The following NRXN3 variants were observed in gnomAD, a reference collection of about 807,000 sequenced individuals.
NRXN3 encodes neurexin III.
A neutral mutation model predicts 137.6 loss-of-function variants in NRXN3; 32 were observed. That is an observed-to-expected ratio of 0.23 (90% CI 0.18 to 0.31). The LOEUF is 0.31. NRXN3 is among the 10% of genes least tolerant of loss of function. The pLI is 1.00. For missense variants in NRXN3, 1,574 were observed against 2,062.5 expected (o/e 0.76, Z 4.59); for synonymous variants, 798 against 784.5 (o/e 1.02, Z -0.29).
chr14:79,009,450 AG>A (rs1382141721), intron 15 of NRXN3, among the ~76,000 whole-genome samples: 1 of 152,186 alleles, frequency 6.6e-6, no homozygotes, highest in Non-Finnish European at 1.5e-5. Context: ...GCTAAACCAC[AG>A]GAACTCCTTA....
At chr14:78,549,220 T>A (rs1365513653) in intron 4 of NRXN3, among the ~76,000 whole-genome samples, 3 of 152,212 alleles carry the variant, frequency 2.0e-5, no homozygotes, top group Non-Finnish European at 4.4e-5. Flanking sequence ...TGTCCTTCAC[T>A]GTTTCAAGTT....
At chr14:79,774,907 G>T (rs940470732) in intron 19 of NRXN3, among the ~76,000 whole-genome samples, 2 of 152,022 alleles carry the variant, frequency 1.3e-5, no homozygotes, top group African/African-American at 4.8e-5. Flanking sequence ...TATTGAAAGG[G>T]ACAGGAAGTG....
intron 15 of NRXN3, among the ~76,000 whole-genome samples, chr14:79,077,642 A>T (rs1176650555): frequency 6.6e-6 from 1 of 152,170 alleles, no homozygotes; most frequent in East Asian, 1.9e-4. Context: ...TTAAACTATA[A>T]CTGGAATGAA....
intron 4 of NRXN3, among the ~76,000 whole-genome samples, chr14:78,313,418 G>A (rs2078203785): frequency 6.6e-6 from 1 of 151,984 alleles, no homozygotes; most frequent in Non-Finnish European, 1.5e-5. Context: ...CTTAGAAATG[G>A]TTTATCTTGT....
intron 15 of NRXN3, among the ~76,000 whole-genome samples, chr14:78,998,517 G>A (rs137879008): frequency 3.3e-5 from 5 of 152,158 alleles, no homozygotes; most frequent in South Asian, 2.1e-4. Context: ...AAGAAGCTGC[G>A]CAAAGCTAGT....
At chr14:79,375,529 C>T (rs111936993) in intron 15 of NRXN3, among the ~76,000 whole-genome samples, 2 of 152,066 alleles carry the variant, frequency 1.3e-5, no homozygotes, top group South Asian at 2.1e-4. Flanking sequence ...TGTCTCTTTC[C>T]GCAGCGGGAC....
intron 10 of NRXN3, among the ~76,000 whole-genome samples, chr14:78,875,943 A>G (rs894300616): frequency 2.6e-5 from 4 of 152,200 alleles, no homozygotes; most frequent in African/African-American, 9.6e-5. Context: ...GAGGATGAGG[A>G]AATTTAGGCA....
intron 8 of NRXN3, among the ~76,000 whole-genome samples, chr14:78,747,236 T>G (rs2098613463): frequency 1.3e-5 from 2 of 152,228 alleles, no homozygotes; most frequent in African/African-American, 4.8e-5. Flanking sequence ...TATGCGGATG[T>G]AGGTCAATTT....
In NRXN3 at chr14:79,701,460, G is replaced by T. The variant is rs564497590; in HGVS notation, c.4014+3523G>T. On this transcript the variant is annotated intron_variant, in intron 19 of 20. Transcript: ENST00000335750. ...GTCTGGCTTTATTTACATACCTTGT[G>T]CTTTGCTGGGTTAACTGGGAAGATG... 4.5e-4 allele frequency among the ~76,000 whole-genome samples: 68 copies of T among 152,148 alleles called. 2 individuals carry two copies. The South Asian group carries it at 0.012, about 26-fold the overall frequency.
At chr14:79,456,695 C>A (rs2153596986) in intron 15 of NRXN3, among the ~76,000 whole-genome samples, 1 of 151,912 alleles carries the variant, frequency 6.6e-6, no homozygotes, top group Middle Eastern at 3.4e-3. Context: ...CACTACACTC[C>A]AGCCTGGGTG....
At chr14:79,704,480 G>T (rs936940895) in intron 19 of NRXN3, among the ~76,000 whole-genome samples, 1 of 151,628 alleles carries the variant, frequency 6.6e-6, no homozygotes, top group Non-Finnish European at 1.5e-5. Context: ...CAGCTTGAGA[G>T]AAATGAGATA....
chr14:79,012,866 G>A (rs76948620), intron 15 of NRXN3, among the ~76,000 whole-genome samples: 1,766 of 152,168 alleles, frequency 0.012, 24 homozygotes, highest in African/African-American at 0.04. Flanking sequence ...CCATCAAACC[G>A]TGGACAGAGA....
chr14:78,882,166 T>A (rs963098902), intron 10 of NRXN3, among the ~76,000 whole-genome samples: 5 of 151,804 alleles, frequency 3.3e-5, no homozygotes, highest in Admixed American at 6.5e-5. Context: ...CACCTGGATG[T>A]CCAGGCAGAA....
chr14:79,015,405 G>A (rs576414644), intron 15 of NRXN3, among the ~76,000 whole-genome samples: 1 of 152,284 alleles, frequency 6.6e-6, no homozygotes, highest in East Asian at 1.9e-4. Context: ...CAGTGTGTAA[G>A]GCTCCTCTGA....
chr14:79,366,996 T>G lies in NRXN3; in HGVS notation c.3263-100225T>G, dbSNP rs1044491506. Among the ~76,000 whole-genome samples, 3 of 149,258 alleles carry G rather than the reference T, an allele frequency of 2.0e-5. No homozygotes were observed. The Admixed American group carries it at 2.0e-4, about 10-fold the overall frequency. On this transcript the variant is annotated intron_variant, in intron 15 of 20. Transcript: ENST00000335750. Reference sequence around the variant, plus strand: ...TCCCTTAGTCTTTTTTTTTTTTTTTTTTTTGGAGATGGAGTCTTGCTCTGT... The same window carrying G: ...TCCCTTAGTCTTTTTTTTTTTTTTTGTTTTGGAGATGGAGTCTTGCTCTGT...
chr14:79,247,074 C>T (rs925448715), intron 15 of NRXN3: 2 of 152,130 alleles, frequency 1.3e-5, no homozygotes, highest in African/African-American at 2.4e-5. Context: ...CCTGCTTGAC[C>T]TCTGGGGTCG....
chr14:78,767,897 C>G (rs954840379), intron 8 of NRXN3, among the ~76,000 whole-genome samples: 4 of 152,054 alleles, frequency 2.6e-5, no homozygotes, highest in African/African-American at 4.8e-5. Context: ...AGCCTTGTCC[C>G]TGGGTCCCTT....
At chr14:78,345,689 G>A (rs2082651916) in intron 4 of NRXN3, among the ~76,000 whole-genome samples, 1 of 152,186 alleles carries the variant, frequency 6.6e-6, no homozygotes, top group Non-Finnish European at 1.5e-5. Context: ...GGGTTATAAA[G>A]AGGAACCCGT....
At chr14:79,686,253 A>C (rs1025006789) in intron 17 of NRXN3, among the ~76,000 whole-genome samples, 1 of 152,064 alleles carries the variant, frequency 6.6e-6, no homozygotes, top group Non-Finnish European at 1.5e-5. Flanking sequence ...AAAAAAAAAA[A>C]GATAGTTGGA....
Sources: allele counts gnomAD v4.1 joint callset (sites outside exome capture counted in the v4.1 genomes callset), GRCh38; gene constraint gnomAD v4.1.1; transcripts MANE v1.5; gene names NCBI Gene and HGNC (gene_info 2026-07-23, HGNC 2026-07-21).